The following DNMBP variants were observed in gnomAD, a reference collection of about 807,000 sequenced individuals.
DNMBP encodes the protein dynamin binding protein.
A neutral mutation model predicts 150.0 loss-of-function variants in DNMBP; 87 were observed. The ratio of observed to expected loss-of-function variants is 0.58; its 90% confidence interval spans 0.49 to 0.69. The LOEUF is 0.69. Ranked by LOEUF, DNMBP falls within the 30% of genes least tolerant of loss-of-function variation. The probability of loss-of-function intolerance (pLI) is 0.00; values close to 1 mark genes in which losing one functional copy is unlikely to be tolerated. For synonymous variants in DNMBP, 711 were observed against 750.4 expected (o/e 0.95, Z 0.86); for missense variants, 1,774 against 1,949.0 (o/e 0.91, Z 1.69).
chr10:99,889,030 A>G (rs574627791), intron 11 of DNMBP, 77 bp from the exon 12 acceptor site: 1 of 1,512,862 alleles, frequency 6.6e-7, no homozygotes, highest in Non-Finnish European at 8.9e-7. Context: ...AAGACTGAAT[A>G]GCAGTCTTGG....
intron 3 of DNMBP, among the ~76,000 whole-genome samples, chr10:99,962,883 G>A (rs915847951): frequency 1.1e-4 from 17 of 152,000 alleles, no homozygotes; most frequent in African/African-American, 4.1e-4. Flanking sequence ...CATATAATAA[G>A]GCTTGTTTTC....
chr10:99,943,380 T>TTTG (rs1564740700), intron 4 of DNMBP, among the ~76,000 whole-genome samples: 9 of 150,998 alleles, frequency 6.0e-5, no homozygotes, highest in Admixed American at 2.0e-4. Flanking sequence ...GTGTGTGGTT[T>TTTG]TTTGTTTGTT....
chr10:100,005,659 G>A (rs964629199), intron 1 of DNMBP, among the ~76,000 whole-genome samples: 9 of 151,196 alleles, frequency 6.0e-5, no homozygotes, highest in African/African-American at 1.7e-4. Context: ...AGAGGCTGAG[G>A]CAGGAAATGG....
intron 11 of DNMBP, among the ~76,000 whole-genome samples, chr10:99,892,195 C>A (rs1397478408): frequency 6.7e-6 from 1 of 149,676 alleles, no homozygotes; most frequent in Non-Finnish European, 1.5e-5. Context: ...CCTGCCCGGC[C>A]AGCCGCCCCG....
intron 4 of DNMBP, among the ~76,000 whole-genome samples, chr10:99,934,160 T>C (rs1292002205): frequency 6.6e-6 from 1 of 152,140 alleles, no homozygotes; most frequent in African/African-American, 2.4e-5. Context: ...ATCAAATTTG[T>C]GAAAATGTTG....
intron 1 of DNMBP, among the ~76,000 whole-genome samples, chr10:99,997,233 T>C (rs573511421): frequency 4.1e-4 from 62 of 152,352 alleles, no homozygotes; most frequent in Non-Finnish European, 7.6e-4. Flanking sequence ...AAGCACTGTC[T>C]AAAAGAAGAA....
chr10:99,891,519 G>C (rs1024072071), intron 11 of DNMBP, among the ~76,000 whole-genome samples: 2 of 151,968 alleles, frequency 1.3e-5, no homozygotes, highest in Admixed American at 1.3e-4. Flanking sequence ...ATCTCGGCTC[G>C]CTACAACCTA....
At chr10:99,935,267 T>A (rs1195077057) in intron 4 of DNMBP, among the ~76,000 whole-genome samples, 4 of 152,012 alleles carry the variant, frequency 2.6e-5, no homozygotes, top group Admixed American at 6.6e-5. Flanking sequence ...ATCAAGTGCT[T>A]GCCATGCAAA....
intron 1 of DNMBP, among the ~76,000 whole-genome samples, chr10:100,002,482 C>T (rs1396519549): frequency 6.6e-6 from 1 of 152,092 alleles, no homozygotes; most frequent in Non-Finnish European, 1.5e-5. Flanking sequence ...AAGTAAAGAC[C>T]GATCCACAGA....
At chr10:99,969,919 T>C (rs1382241772) in intron 2 of DNMBP, among the ~76,000 whole-genome samples, 1 of 152,220 alleles carries the variant, frequency 6.6e-6, no homozygotes, top group Non-Finnish European at 1.5e-5. Flanking sequence ...TCTGCAGCAG[T>C]GAGTTTTCTA....
intron 11 of DNMBP, among the ~76,000 whole-genome samples, chr10:99,891,632 C>T (rs2039563262): frequency 6.6e-6 from 1 of 151,116 alleles, no homozygotes; most frequent in Admixed American, 6.6e-5. Context: ...GCCTGGCCGC[C>T]CATCGTCTGG....
At position 99,876,378 on chromosome 10, in the gene DNMBP, T is replaced by A. The variant is rs545913901; in HGVS notation, c.*773A>T. The A allele has an allele frequency of 7.0e-6, 1 of 143,858 alleles. No homozygotes were observed. The highest frequency in any genetic ancestry group is 1.5e-5 in the Non-Finnish European group (1 of 66,882). 8.9% of individuals were successfully genotyped at this position (143,858 alleles called of 1,614,324 possible). A position where few individuals can be genotyped will look rare whatever the true frequency, so the allele number is the denominator to read the frequency against. On this transcript the variant is annotated 3_prime_UTR_variant, in exon 17 of 17. Coordinates refer to ENST00000324109, the MANE Select transcript of DNMBP (RefSeq NM_015221.4). ...GCGTTTAAGACCAGCCTGGGCAACA[T>A]AGCAAGACCCCATCTCAAAAAAAAA...
At chr10:99,972,663 T>C (rs1388130846) in intron 1 of DNMBP, among the ~76,000 whole-genome samples, 1 of 152,134 alleles carries the variant, frequency 6.6e-6, no homozygotes, top group Admixed American at 6.6e-5. Flanking sequence ...CAGGCTGGAG[T>C]GCAGTGGTGT....
chr10:99,932,213 C>T (rs1251828316), intron 4 of DNMBP, among the ~76,000 whole-genome samples: 1 of 152,062 alleles, frequency 6.6e-6, no homozygotes, highest in African/African-American at 2.4e-5. Flanking sequence ...GAAATAATAT[C>T]CAGAACCCTG....
At chr10:99,916,237 C>T (rs917680542) in intron 4 of DNMBP, among the ~76,000 whole-genome samples, 3 of 152,252 alleles carry the variant, frequency 2.0e-5, no homozygotes, top group East Asian at 3.9e-4. Flanking sequence ...CCAAGGCAGG[C>T]GGATCACCTG....
intron 4 of DNMBP, among the ~76,000 whole-genome samples, chr10:99,917,480 T>G (rs1459703171): frequency 6.6e-6 from 1 of 152,246 alleles, no homozygotes; most frequent in Non-Finnish European, 1.5e-5. Context: ...CTTATTCCCA[T>G]TTCTAGTATT....
At chr10:99,880,928 GAAACA>G (rs912590000) in intron 15 of DNMBP, among the ~76,000 whole-genome samples, 66 of 152,214 alleles carry the variant, frequency 4.3e-4, no homozygotes, top group African/African-American at 1.5e-3. Flanking sequence ...ATCTCTATTT[GAAACA>G]AAACAAAACA....
At chr10:99,981,526 C>T (rs2040779957) in intron 1 of DNMBP, among the ~76,000 whole-genome samples, 1 of 152,178 alleles carries the variant, frequency 6.6e-6, no homozygotes, top group African/African-American at 2.4e-5. Flanking sequence ...GGACATACTT[C>T]ATTAAAAAAT....
intron 4 of DNMBP, among the ~76,000 whole-genome samples, chr10:99,935,096 A>G (rs1261148968): frequency 6.7e-6 from 1 of 149,370 alleles, no homozygotes; most frequent in Non-Finnish European, 1.5e-5. Flanking sequence ...ACAAAAAAAA[A>G]AAAAAAAAAA....
Sources: allele counts gnomAD v4.1 joint callset (sites outside exome capture counted in the v4.1 genomes callset), GRCh38; gene constraint gnomAD v4.1.1; transcripts MANE v1.5; gene names NCBI Gene and HGNC (gene_info 2026-07-23, HGNC 2026-07-21).